DOC2B: variants seen among roughly 807,000 people sequenced by gnomAD.
DOC2B encodes double C2 domain beta.
Under a neutral mutation model 28.9 loss-of-function variants are expected in DOC2B, and 21 were observed. That is an observed-to-expected ratio of 0.73 (90% CI 0.52 to 1.05). The LOEUF (loss-of-function observed/expected upper bound fraction) is 1.05. DOC2B is among the 50% of genes least tolerant of loss of function. The probability of loss-of-function intolerance (pLI) is 0.00; values close to 1 mark genes in which losing one functional copy is unlikely to be tolerated. For synonymous variants in DOC2B, 194 were observed against 178.1 expected (o/e 1.09, Z -0.71); for missense variants, 384 against 421.1 (o/e 0.91, Z 0.77).
At position 161,408 on chromosome 17, in the gene DOC2B, C is replaced by T; in HGVS notation, c.765+7G>A. 1 of 1,551,650 alleles carries T rather than the reference C, an allele frequency of 6.4e-7. No individual in the cohort carries two copies. The highest frequency in any genetic ancestry group is 1.7e-4 in the Middle Eastern group (1 of 5,988). On this transcript the variant is annotated splice_region_variant and intron_variant, in intron 5 of 8. Coordinates refer to ENST00000613549, the MANE Select transcript of DOC2B (RefSeq NM_003585.5). ...GTACACAGCAGGTGCTCAATCAATC[C>T]TCTCACCGGCAGCTGCTTCTCCAGG...
intron 5 of DOC2B, among the ~76,000 whole-genome samples, chr17:158,036 G>A (rs1016908107): frequency 2.0e-5 from 3 of 152,206 alleles, no homozygotes; most frequent in Admixed American, 2.0e-4. Context: ...CGAAGACAGA[G>A]TTCTGGTACA....
chr17:153,239 G>A (rs891252409), intron 6 of DOC2B, among the ~76,000 whole-genome samples: 4 of 152,220 alleles, frequency 2.6e-5, no homozygotes, highest in African/African-American at 7.2e-5. Context: ...GTGGCAGGGA[G>A]GAGCTTGTGG....
chr17:148,247 T>G lies in DOC2B; in HGVS notation c.1028A>C (p.His343Pro), dbSNP rs1367662473. The G allele has an allele frequency of 1.3e-5, 5 of 398,532 alleles. No homozygotes were observed. The highest frequency in any genetic ancestry group is 2.2e-5 in the Non-Finnish European group (5 of 226,108). 24.7% of individuals were successfully genotyped at this position (398,532 alleles called of 1,614,324 possible). The part of the protein sequence containing the change: ...FNEEFCYEIK[H>P]GDLAKKSLEV... ...CAGGGACTTCTTGGCCAGGTCCCCA[T>G]GCTTGATCTCGTAACAGAACTCCTG... The change falls in exon 8 of 9, where the codon CAT becomes CCT. Residue 343 changes from histidine (H) to proline (P), a missense_variant. Physicochemically the swap from His to Pro is moderately conservative, Grantham distance 77 (BLOSUM62 -2). Coordinates refer to ENST00000613549, the MANE Select transcript of DOC2B (RefSeq NM_003585.5).
rs760797404 is a variant in DOC2B, at chr17:156,281, C to T, written c.862G>A (p.Val288Met). 61 of 1,551,592 alleles carry T rather than the reference C, an allele frequency of 3.9e-5. No individual in the cohort carries two copies. In the South Asian group the frequency reaches 5.7e-4, roughly 15 times the overall value. Reference sequence around the variant, plus strand: ...ATGGCGGCCAGGTGGGCGCACCGCACGATGCCTACCAGCAGGCCTTGCTTC... The same window carrying T: ...ATGGCGGCCAGGTGGGCGCACCGCATGATGCCTACCAGCAGGCCTTGCTTC... ...SQKQGLLVGIVRCAHLAAMDA... is the reference protein window; with the variant it reads ...SQKQGLLVGIMRCAHLAAMDA... Residue 288 changes from valine (V) to methionine (M), a missense_variant, in exon 6 of 9, where the codon GTG becomes ATG. Transcript: ENST00000613549.
chr17:164,510 G>A (rs540364896), intron 2 of DOC2B, among the ~76,000 whole-genome samples: 25 of 152,130 alleles, frequency 1.6e-4, no homozygotes, highest in Admixed American at 2.6e-4. Context: ...TCTCCACCCT[G>A]CTTTGCTCAG....
At chr17:153,920 C>T (rs1225763215) in intron 6 of DOC2B, among the ~76,000 whole-genome samples, 1 of 152,124 alleles carries the variant, frequency 6.6e-6, no homozygotes, top group African/African-American at 2.4e-5. Flanking sequence ...CATAGTACCA[C>T]ATTCTACACA....
chr17:168,977 C>T (rs191705491), intron 2 of DOC2B, among the ~76,000 whole-genome samples: 33 of 152,198 alleles, frequency 2.2e-4, no homozygotes, highest in Middle Eastern at 3.4e-3. Context: ...GAAGCGGCCC[C>T]GGGGGAGGCC....
At position 181,191 on chromosome 17, in the gene DOC2B, T is replaced by C. The variant is rs868547346; in HGVS notation, c.289A>G (p.Ser97Gly). ...FGAYGSSPGP[S>G]PGPSPARPPA... ...GGCCGCGCGGGGCTGGGACCCGGGCTGGGGCCCGGGCTGGAGCCGTAGGCT... is the reference window on the plus strand; with the variant it reads ...GGCCGCGCGGGGCTGGGACCCGGGCCGGGGCCCGGGCTGGAGCCGTAGGCT... The change falls in exon 1 of 9, where the codon AGC becomes GGC. Residue 97 changes from serine to glycine, a missense_variant. Transcript: ENST00000613549. This position sits in a 1 kb window ranked among gnomAD's most constrained non-coding sequence, Gnocchi z 7.0. The C allele has an allele frequency of 2.6e-5, 32 of 1,240,484 alleles. No homozygotes were observed. In the African/African-American group the frequency reaches 4.2e-4, roughly 16 times the overall value. 76.8% of individuals were successfully genotyped at this position (1,240,484 alleles called of 1,614,324 possible).
intron 4 of DOC2B, 85 bp downstream of exon 4, chr17:161,996 G>T: frequency 1.0e-6 from 1 of 969,506 alleles, no homozygotes. Context: ...GGGACCATCT[G>T]ACCCTCCAGT....
At chr17:162,240 G>A (rs1555523356) in intron 3 of DOC2B, 50 bp from the exon 4 acceptor site, 5 of 1,384,550 alleles carry the variant, frequency 3.6e-6, no homozygotes, top group Non-Finnish European at 5.0e-6. Context: ...GTATCAAACA[G>A]AACAATGGCC....
chr17:158,388 C>T (rs923083718), intron 5 of DOC2B, among the ~76,000 whole-genome samples: 1 of 152,124 alleles, frequency 6.6e-6, no homozygotes, highest in Admixed American at 6.5e-5. Flanking sequence ...CCTCCTTTTG[C>T]CCACAACCGT....
At chr17:161,912 T>C (rs139771137) in intron 4 of DOC2B, among the ~76,000 whole-genome samples, 169 bp downstream of exon 4, 1 of 152,142 alleles carries the variant, frequency 6.6e-6, no homozygotes, top group East Asian at 1.9e-4. Flanking sequence ...CCAGGCTCCA[T>C]TGGCGTGGGC....
intron 2 of DOC2B, among the ~76,000 whole-genome samples, chr17:166,166 G>T (rs1443637506): frequency 6.6e-6 from 1 of 152,190 alleles, no homozygotes; most frequent in Non-Finnish European, 1.5e-5. Flanking sequence ...GAGCACCCTG[G>T]GCAGCCACAC....
intron 1 of DOC2B, among the ~76,000 whole-genome samples, chr17:176,092 G>C (rs2040366803): frequency 6.6e-6 from 1 of 152,182 alleles, no homozygotes; most frequent in Non-Finnish European, 1.5e-5. Flanking sequence ...GGCTCAGAGA[G>C]GGGAGGGGAG....
intron 6 of DOC2B, among the ~76,000 whole-genome samples, chr17:152,573 G>A (rs960021437): frequency 2.0e-5 from 3 of 152,110 alleles, no homozygotes; most frequent in Non-Finnish European, 4.4e-5. Context: ...TTTGAGACCA[G>A]CCTGGCCAAT....
intron 2 of DOC2B, among the ~76,000 whole-genome samples, chr17:166,567 G>A (rs564379868): frequency 6.6e-6 from 1 of 152,392 alleles, no homozygotes; most frequent in African/African-American, 2.4e-5. Context: ...CCCAGCGGGA[G>A]ATAACTGAAT....
In DOC2B at chr17:142,969, C is replaced by T. The variant is rs1398557123; in HGVS notation, c.*4472G>A. ...GTGGTTAGGAAGGTTTATTTTTTTC[C>T]CTCCAAACCTAAGCAGTACATGTCT... On this transcript the variant is annotated 3_prime_UTR_variant, in exon 9 of 9. Coordinates refer to ENST00000613549, the MANE Select transcript of DOC2B (RefSeq NM_003585.5). 3 of 151,970 alleles carry T rather than the reference C, an allele frequency of 2.0e-5. No homozygotes were observed. Among genetic ancestry groups the T allele is most frequent in the African/African-American group, 7.2e-5 (3 of 41,386 alleles). 9.4% of individuals were successfully genotyped at this position (151,970 alleles called of 1,614,324 possible).
chr17:174,856 T>C (rs1210978109), intron 1 of DOC2B, among the ~76,000 whole-genome samples: 2 of 152,214 alleles, frequency 1.3e-5, no homozygotes, highest in African/African-American at 4.8e-5. Flanking sequence ...GTGGGGCTCA[T>C]GCCTGTCATC....
intron 8 of DOC2B, 115 bp downstream of exon 8, chr17:148,058 A>G: frequency 2.5e-6 from 1 of 396,802 alleles, no homozygotes; most frequent in South Asian, 1.4e-4. Context: ...GAGGCCCCTG[A>G]CCTAGGGGCA....
Sources: allele counts gnomAD v4.1 joint callset (sites outside exome capture counted in the v4.1 genomes callset), GRCh38; gene constraint gnomAD v4.1.1; non-coding constraint Gnocchi (gnomAD v3.1); transcripts MANE v1.5; gene names NCBI Gene and HGNC (gene_info 2026-07-23, HGNC 2026-07-21).